The following PPP2R1B variants were observed in gnomAD, a reference collection of about 807,000 sequenced individuals.
The protein encoded by PPP2R1B is serine/threonine-protein phosphatase 2A 65 kDa regulatory subunit A beta isoform.
PPP2R1B carries 58 observed loss-of-function variants against 72.7 expected under a neutral mutation model. The ratio of observed to expected loss-of-function variants is 0.80; its 90% CI spans 0.65 to 0.99. The LOEUF is 0.99. Among genes scored for constraint, PPP2R1B ranks in the 50% least tolerant of loss-of-function variants. PPP2R1B has a pLI of 0.00. For synonymous variants in PPP2R1B, 256 were observed against 264.6 expected (o/e 0.97, Z 0.32); for missense variants, 695 against 733.6 (o/e 0.95, Z 0.61).
chr11:111,755,305 C>T lies in PPP2R1B; in HGVS notation c.833G>A (p.Arg278Lys). The T allele has an allele frequency of 6.2e-7, 1 of 1,604,480 alleles. No individual in the cohort carries two copies. The highest frequency in any genetic ancestry group is 2.2e-5 in the East Asian group (1 of 44,856). Residue 278 changes from arginine to lysine, a missense_variant, in exon 6 of 15, where the codon AGA (arginine) becomes AAA (lysine). Coordinates refer to ENST00000527614, the MANE Select transcript of PPP2R1B (RefSeq NM_002716.5). The part of the protein sequence containing the change: ...SWRVRYMVAD[R>K]FSELQKAMGP... Reference sequence around the variant, plus strand: ...AAATGATCACTTTACCTCTGAAAATCTGTCAGCCACCATATAGCGAACGCG... The same window carrying T: ...AAATGATCACTTTACCTCTGAAAATTTGTCAGCCACCATATAGCGAACGCG...
At chr11:111,755,512 G>C (rs1945074867) in intron 5 of PPP2R1B, 62 bp from the exon 6 acceptor site, 1 of 1,457,920 alleles carries the variant, frequency 6.9e-7, no homozygotes, top group African/African-American at 1.4e-5. Context: ...ACTGCTGTGG[G>C]GTGGTGCAGG....
chr11:111,740,562 AT>A lies in PPP2R1B; in HGVS notation c.*1033del. 1.0e-6 allele frequency: 1 copy of A among 984,760 alleles called. No homozygotes were observed. The highest frequency in any genetic ancestry group is 1.2e-6 in the Non-Finnish European group (1 of 829,316). 61.0% of individuals were successfully genotyped at this position (984,760 alleles called of 1,614,324 possible). Reference sequence around the variant, plus strand: ...TTCAGTAAACTCTTCAGCTTAACTCATTATCTTAAATTTCAGAATTAATGAG... The same window carrying A: ...TTCAGTAAACTCTTCAGCTTAACTCATATCTTAAATTTCAGAATTAATGAG... On this transcript the variant is annotated 3_prime_UTR_variant, in exon 15 of 15. Coordinates refer to ENST00000527614, the MANE Select transcript of PPP2R1B (RefSeq NM_002716.5).
At chr11:111,719,937 C>G in the PPP2R1B span, 1 of 1,614,152 alleles carries the variant, frequency 6.2e-7, no homozygotes, top group African/African-American at 1.3e-5. Context: ...TCAGTCCACA[C>G]GCAGCGGGCA....
At chr11:111,757,102 A>G (rs1251460623) in intron 5 of PPP2R1B, among the ~76,000 whole-genome samples, 1 of 151,838 alleles carries the variant, frequency 6.6e-6, no homozygotes, top group Non-Finnish European at 1.5e-5. Context: ...TGACAGAGCA[A>G]AACTCCAACT....
At position 111,765,805 on chromosome 11, in the gene PPP2R1B, G is replaced by A. The variant is rs1304089255; in HGVS notation, c.115-421C>T. ...CCCACCCCCGCTTTCTACCCAACAAGCCGAGCCAGTTCCAAGCCGAGATGA... is the reference window on the plus strand; with the variant it reads ...CCCACCCCCGCTTTCTACCCAACAAACCGAGCCAGTTCCAAGCCGAGATGA... On this transcript the variant is annotated intron_variant, in intron 1 of 14. Coordinates refer to ENST00000527614, the MANE Select transcript of PPP2R1B (RefSeq NM_002716.5). 3 of 473,740 alleles carry A rather than the reference G, an allele frequency of 6.3e-6. No homozygotes were observed. The East Asian group carries it at 1.9e-4, about 31-fold the overall frequency. 29.3% of individuals were successfully genotyped at this position (473,740 alleles called of 1,614,324 possible).
the PPP2R1B span, among the ~76,000 whole-genome samples, chr11:111,695,391 C>T: frequency 1.3e-5 from 2 of 151,998 alleles, no homozygotes; most frequent in Non-Finnish European, 2.9e-5. Flanking sequence ...GATTGGTTTT[C>T]AATGTTTTGT....
In PPP2R1B at chr11:111,741,568, G is replaced by A. The variant is rs777100053; in HGVS notation, c.*28C>T. ...ACTAGAAATTTGTGACAAGAATCTA[G>A]TAAAGGCCTTTTCCCTCCTGCTCCT... On this transcript the variant is annotated 3_prime_UTR_variant, in exon 15 of 15. Coordinates refer to ENST00000527614, the MANE Select transcript of PPP2R1B (RefSeq NM_002716.5). 1.2e-6 allele frequency: 2 copies of A among 1,610,548 alleles called. No homozygotes were observed. Among genetic ancestry groups the A allele is most frequent in the African/African-American group, 2.7e-5 (2 of 74,732 alleles).
chr11:111,765,305 G>A lies in PPP2R1B; in HGVS notation c.194C>T (p.Pro65Leu), dbSNP rs1555052677. Residue 65 changes from proline (P) to leucine (L), a missense_variant, in exon 2 of 15, where the codon CCA becomes CTA. Physicochemically the swap from Pro to Leu is moderately conservative, Grantham distance 98 (BLOSUM62 -3). Transcript: ENST00000527614. ...GVERTRSELL[P>L]FLTDTIYDED... ...AAAGATTCACATACCTGTAAGAAAT[G>A]GCAACAATTCACTTCGGGTCCTTTC... 1 of 1,610,376 alleles carries A rather than the reference G, an allele frequency of 6.2e-7. No individual in the cohort carries two copies. Among genetic ancestry groups the A allele is most frequent in the Non-Finnish European group, 8.5e-7 (1 of 1,176,812 alleles).
the PPP2R1B span, among the ~76,000 whole-genome samples, chr11:111,700,702 T>C: frequency 6.6e-6 from 1 of 152,214 alleles, no homozygotes; most frequent in Non-Finnish European, 1.5e-5. Flanking sequence ...GCAACATTCC[T>C]TGAGTACTAT....
chr11:111,710,610 T>C, the PPP2R1B span, among the ~76,000 whole-genome samples: 16 of 152,244 alleles, frequency 1.1e-4, no homozygotes, highest in Non-Finnish European at 5.9e-5. Flanking sequence ...ATTCTTGTGA[T>C]CATTTGAAGG....
At chr11:111,703,603 C>G in the PPP2R1B span, among the ~76,000 whole-genome samples, 1 of 152,236 alleles carries the variant, frequency 6.6e-6, no homozygotes, top group East Asian at 1.9e-4. Flanking sequence ...TCTTAAATTC[C>G]TTTCTTTGCC....
chr11:111,715,006 A>T, the PPP2R1B span, among the ~76,000 whole-genome samples: 1 of 152,260 alleles, frequency 6.6e-6, no homozygotes, highest in Non-Finnish European at 1.5e-5. Flanking sequence ...TTGGGCACTG[A>T]CTGCTGTATT....
intron 11 of PPP2R1B, among the ~76,000 whole-genome samples, chr11:111,744,484 G>C (rs1003134799): frequency 3.3e-5 from 5 of 152,188 alleles, no homozygotes; most frequent in Non-Finnish European, 7.3e-5. Context: ...CATAAAGCTA[G>C]ATAATAAAGG....
the PPP2R1B span, among the ~76,000 whole-genome samples, chr11:111,690,765 A>G: frequency 6.6e-6 from 1 of 152,188 alleles, no homozygotes; most frequent in African/African-American, 2.4e-5. Flanking sequence ...AGCTTCATCC[A>G]TGTCCCTGCA....
chr11:111,694,523 A>G, the PPP2R1B span, among the ~76,000 whole-genome samples: 1 of 152,130 alleles, frequency 6.6e-6, no homozygotes, highest in Non-Finnish European at 1.5e-5. Context: ...AGGTTTCTGT[A>G]TATATGATTT....
At chr11:111,704,659 G>T in the PPP2R1B span, among the ~76,000 whole-genome samples, 1 of 152,188 alleles carries the variant, frequency 6.6e-6, no homozygotes, top group Non-Finnish European at 1.5e-5. Flanking sequence ...TTACAGCTAT[G>T]AGATGGGGCC....
At chr11:111,750,515 G>A (rs1467093327) in intron 10 of PPP2R1B, among the ~76,000 whole-genome samples, 1 of 152,134 alleles carries the variant, frequency 6.6e-6, no homozygotes, top group Non-Finnish European at 1.5e-5. Flanking sequence ...ATTAATGACG[G>A]GCACTATGGT....
At chr11:111,749,275 T>TTTGTTG (rs59554766) in intron 10 of PPP2R1B, among the ~76,000 whole-genome samples, 2 of 151,744 alleles carry the variant, frequency 1.3e-5, no homozygotes, top group South Asian at 2.1e-4. Context: ...TATTTTCCAG[T>TTTGTTG]TTGTTGTTGT....
the PPP2R1B span, among the ~76,000 whole-genome samples, chr11:111,709,727 G>A: frequency 6.6e-6 from 1 of 152,136 alleles, no homozygotes; most frequent in African/African-American, 2.4e-5. Flanking sequence ...TCCCCTCAGT[G>A]ATCACAAGAC....
Sources: allele counts gnomAD v4.1 joint callset (sites outside exome capture counted in the v4.1 genomes callset), GRCh38; gene constraint gnomAD v4.1.1; transcripts MANE v1.5; gene names NCBI Gene and HGNC (gene_info 2026-07-23, HGNC 2026-07-21).